The following LAMB4 variants were observed in gnomAD, a reference collection of about 807,000 sequenced individuals.
LAMB4 encodes laminin subunit beta 4.
LAMB4 carries 196 observed loss-of-function variants against 199.2 expected under a neutral mutation model. That is an observed-to-expected ratio of 0.98 (90% confidence interval 0.88 to 1.11). The LOEUF (loss-of-function observed/expected upper bound fraction) is 1.11, where lower values mean the gene tolerates loss of function less well. LAMB4 is among the 50% of genes least tolerant of loss of function. LAMB4 has a pLI of 0.00. For missense variants in LAMB4, 2,080 were observed against 2,171.2 expected, an observed-to-expected ratio of 0.96 and a Z score of 0.83; for synonymous variants, 744 against 770.6, an observed-to-expected ratio of 0.97 and a Z score of 0.57.
intron 10 of LAMB4, among the ~76,000 whole-genome samples, chr7:108,100,804 C>A (rs2150640392): frequency 6.6e-6 from 1 of 152,284 alleles, no homozygotes; most frequent in East Asian, 1.9e-4. Flanking sequence ...TGCATGATTA[C>A]AGATTGTGGT....
Position 108,091,787 on chromosome 7 carries a change from A to G in LAMB4, c.1551-11T>C. The G allele has an allele frequency of 1.2e-6, 2 of 1,612,622 alleles. No homozygotes were observed. Among genetic ancestry groups the G allele is most frequent in the Non-Finnish European group, 1.7e-6 (2 of 1,179,542 alleles). On this transcript the variant is annotated splice_polypyrimidine_tract_variant and intron_variant, in intron 13 of 33. Transcript: ENST00000388781. ...TTCTTGGGTGAGCACCTGAGGAAAA[A>G]GCAATTCATCATGAAAAAATGCAAA...
chr7:108,126,700 G>T (rs989630885), intron 1 of LAMB4, among the ~76,000 whole-genome samples: 2 of 149,674 alleles, frequency 1.3e-5, no homozygotes, highest in Non-Finnish European at 3.0e-5. Flanking sequence ...GAGTAGCTGG[G>T]ACTACAGGCG....
chr7:108,056,285 C>G (rs1235147403), intron 24 of LAMB4, among the ~76,000 whole-genome samples: 1 of 152,150 alleles, frequency 6.6e-6, no homozygotes, highest in Non-Finnish European at 1.5e-5. Flanking sequence ...GGATCCTCAT[C>G]TATTTGAGTA....
intron 26 of LAMB4, among the ~76,000 whole-genome samples, chr7:108,051,072 G>A (rs188894952): frequency 3.3e-5 from 5 of 152,296 alleles, no homozygotes; most frequent in Admixed American, 2.6e-4. Context: ...AAATTTGAGA[G>A]GATTAGCATG....
intron 2 of LAMB4, among the ~76,000 whole-genome samples, chr7:108,122,888 T>G (rs969458019): frequency 4.6e-5 from 7 of 152,342 alleles, no homozygotes; most frequent in African/African-American, 1.7e-4. Flanking sequence ...TCTCTGTTCT[T>G]TAATATTTTA....
intron 23 of LAMB4, among the ~76,000 whole-genome samples, chr7:108,058,867 G>A (rs1481173767): frequency 1.3e-5 from 2 of 152,080 alleles, no homozygotes; most frequent in Non-Finnish European, 1.5e-5. Flanking sequence ...ATGTTGGCCA[G>A]GCTGGTCTCG....
At chr7:108,038,774 C>T (rs1416403934) in intron 29 of LAMB4, among the ~76,000 whole-genome samples, 1 of 152,192 alleles carries the variant, frequency 6.6e-6, no homozygotes, top group Non-Finnish European at 1.5e-5. Context: ...AGATTGGATA[C>T]TCCTGTGTTA....
intron 2 of LAMB4, among the ~76,000 whole-genome samples, chr7:108,120,389 T>G (rs2150692561): frequency 6.6e-6 from 1 of 152,330 alleles, no homozygotes; most frequent in Middle Eastern, 3.4e-3. Context: ...GTTCTACAGC[T>G]AAGAACATGA....
intron 14 of LAMB4, among the ~76,000 whole-genome samples, chr7:108,084,994 C>T (rs924404142): frequency 6.6e-6 from 1 of 151,982 alleles, no homozygotes; most frequent in African/African-American, 2.4e-5. Flanking sequence ...CCATCTCAGC[C>T]TCCCAAAGTG....
At chr7:108,098,257 T>G in intron 11 of LAMB4, 146 bp downstream of exon 11, 1 of 370,108 alleles carries the variant, frequency 2.7e-6, no homozygotes, top group African/African-American at 2.4e-5. Context: ...TGCTTGAACC[T>G]GGGAGGTGGA....
intron 11 of LAMB4, among the ~76,000 whole-genome samples, chr7:108,097,557 G>A (rs1390774124): frequency 6.6e-6 from 1 of 152,192 alleles, no homozygotes; most frequent in Non-Finnish European, 1.5e-5. Context: ...AGGCCGAGAC[G>A]GGCGGATCAC....
At chr7:108,082,911 A>T (rs2037011720) in intron 14 of LAMB4, among the ~76,000 whole-genome samples, 2 of 152,202 alleles carry the variant, frequency 1.3e-5, no homozygotes, top group Non-Finnish European at 2.9e-5. Context: ...TGGATGGATC[A>T]CTGGCAGACG....
At chr7:108,044,821 C>T (rs1160372988) in intron 28 of LAMB4, among the ~76,000 whole-genome samples, 1 of 151,700 alleles carries the variant, frequency 6.6e-6, no homozygotes, top group African/African-American at 2.4e-5. Flanking sequence ...GGCATGGTGG[C>T]GCATGCCTGT....
intron 29 of LAMB4, among the ~76,000 whole-genome samples, chr7:108,042,939 G>GTGTA (rs1563040146): frequency 8.8e-6 from 1 of 113,194 alleles, no homozygotes; most frequent in Non-Finnish European, 2.0e-5. Context: ...CTCAATCTCT[G>GTGTA]TGTGTGTGTG....
At chr7:108,021,658 G>A (rs1018853447), downstream of LAMB4, among the ~76,000 whole-genome samples, 4 of 150,576 alleles carry the variant, frequency 2.7e-5, no homozygotes, top group African/African-American at 7.3e-5. Flanking sequence ...GCGGTGAGCC[G>A]AGATCACACC....
At chr7:108,104,432 G>C in intron 9 of LAMB4, 67 bp downstream of exon 9, 2 of 1,586,682 alleles carry the variant, frequency 1.3e-6, no homozygotes, top group Non-Finnish European at 1.7e-6. Flanking sequence ...AGAAGTGAAC[G>C]AAGTGTTTCT....
chr7:108,038,228 C>T (rs371754230), intron 29 of LAMB4, among the ~76,000 whole-genome samples: 25 of 151,984 alleles, frequency 1.6e-4, no homozygotes, highest in African/African-American at 5.1e-4. Flanking sequence ...GGCACAATCT[C>T]GGCTTACTGC....
chr7:108,043,771 T>G lies in LAMB4; in HGVS notation c.4452A>C (p.Lys1484Asn), dbSNP rs1201124777. The stretch of plus-strand genomic sequence containing the variant: ...AATTACCTAACAAAAAGTTTTTCAC[T>G]TTTTTGATGAAAAGATTGATGTTTT... ...EEENINLFIK[K>N]VKNFLLEENV... Residue 1484 changes from lysine (K) to asparagine (N), a missense_variant, in exon 29 of 34, where the codon AAA becomes AAC. Transcript: ENST00000388781. The G allele has an allele frequency of 1.9e-6, 3 of 1,583,216 alleles. No individual in the cohort carries two copies. The highest frequency in any genetic ancestry group is 1.7e-6 in the Non-Finnish European group (2 of 1,164,088).
chr7:108,036,965 A>G (rs1256257436), intron 30 of LAMB4, among the ~76,000 whole-genome samples: 1 of 151,582 alleles, frequency 6.6e-6, no homozygotes, highest in Non-Finnish European at 1.5e-5. Flanking sequence ...AGGAAGTGAA[A>G]TATCAGACAG....
Sources: allele counts gnomAD v4.1 joint callset (sites outside exome capture counted in the v4.1 genomes callset), GRCh38; gene constraint gnomAD v4.1.1; transcripts MANE v1.5; gene names NCBI Gene and HGNC (gene_info 2026-07-23, HGNC 2026-07-21).